The following SFTPD variants were observed in gnomAD, a reference collection of about 807,000 sequenced individuals.
The protein encoded by SFTPD is pulmonary surfactant-associated protein D.
Under a neutral mutation model 34.6 loss-of-function variants are expected in SFTPD, and 18 were observed. That is an observed-to-expected ratio of 0.52 (90% CI 0.36 to 0.77). The LOEUF is 0.77. SFTPD is among the 30% of genes least tolerant of loss of function. The pLI is 0.00. For synonymous variants in SFTPD, 155 were observed against 180.9 expected (o/e 0.86, Z 1.15); for missense variants, 433 against 468.9 (o/e 0.92, Z 0.71).
intron 1 of SFTPD, among the ~76,000 whole-genome samples, chr10:79,959,832 A>C (rs28781923): frequency 6.6e-6 from 1 of 151,488 alleles, no homozygotes; most frequent in African/African-American, 2.4e-5. Context: ...GCCTGGCAGA[A>C]ACACAACCAA....
chr10:79,952,033 A>G (rs1385205709), upstream of SFTPD, among the ~76,000 whole-genome samples: 1 of 152,192 alleles, frequency 6.6e-6, no homozygotes. Context: ...TGTGACCTTC[A>G]GTTCAGATAG....
At chr10:79,982,255 C>A (rs1435504697) in intron 1 of SFTPD, 3 of 921,840 alleles carry the variant, frequency 3.3e-6, no homozygotes, top group Non-Finnish European at 4.2e-6. Context: ...GGACCGCGGG[C>A]GGCGGCGGGG....
intron 1 of SFTPD, among the ~76,000 whole-genome samples, chr10:79,954,411 G>A (rs1298902817): frequency 2.0e-5 from 3 of 148,076 alleles, no homozygotes; most frequent in Non-Finnish European, 4.5e-5. Flanking sequence ...TGTGCTTGCT[G>A]CAGGTGTCCG....
intron 1 of SFTPD, chr10:79,969,963 C>T (rs1163433116): frequency 6.6e-6 from 1 of 152,202 alleles, no homozygotes; most frequent in Non-Finnish European, 1.5e-5. Context: ...TTGCCCAGAC[C>T]AATGTCATGG....
intron 1 of SFTPD, among the ~76,000 whole-genome samples, chr10:79,979,544 G>A (rs1842879944): frequency 6.6e-6 from 1 of 152,214 alleles, no homozygotes; most frequent in Non-Finnish European, 1.5e-5. Flanking sequence ...TTGGAATGCT[G>A]TCACAGCAGA....
chr10:79,980,990 G>A (rs1211123676), intron 1 of SFTPD, among the ~76,000 whole-genome samples: 3 of 152,282 alleles, frequency 2.0e-5, no homozygotes, highest in East Asian at 1.9e-4. Flanking sequence ...TAAGGCATCA[G>A]TGACCAACTC....
At position 79,937,777 on chromosome 10, in the gene SFTPD, G is replaced by C; in HGVS notation, c.*75C>G. 1 of 1,422,896 alleles carries C rather than the reference G, an allele frequency of 7.0e-7. No homozygotes were observed. The highest frequency in any genetic ancestry group is 9.4e-7 in the Non-Finnish European group (1 of 1,058,792). 88.1% of individuals were successfully genotyped at this position (1,422,896 alleles called of 1,614,324 possible). On this transcript the variant is annotated 3_prime_UTR_variant, in exon 8 of 8. Transcript: ENST00000372292. The stretch of plus-strand genomic sequence containing the variant: ...ATGGTCACCTTTTTATTAGGATATT[G>C]GCAGCATGAGGGTCTAAGCCTTGAC...
intron 1 of SFTPD, among the ~76,000 whole-genome samples, chr10:79,947,982 C>A (rs1842682957): frequency 6.6e-6 from 1 of 152,222 alleles, no homozygotes. Flanking sequence ...GGTCACCAGG[C>A]CAACTGGGGT....
chr10:79,982,340 G>T, intron 1 of SFTPD: 1 of 977,012 alleles, frequency 1.0e-6, no homozygotes, highest in Non-Finnish European at 1.3e-6. Flanking sequence ...GGGCGGCGCT[G>T]CTGCGAAGGC....
At chr10:79,964,264 T>A (rs1365986078) in intron 1 of SFTPD, among the ~76,000 whole-genome samples, 1 of 152,218 alleles carries the variant, frequency 6.6e-6, no homozygotes, top group African/African-American at 2.4e-5. Context: ...GGGTCCTCTA[T>A]CATTAATGCC....
In SFTPD at chr10:79,968,025, C is replaced by CA. The variant is rs1230184459; in HGVS notation, c.36+14549dup. Among the ~76,000 whole-genome samples the CA allele has an allele frequency of 1.4e-3, 191 of 138,608 alleles. 2 individuals carry two copies. Among genetic ancestry groups the CA allele is most frequent in the South Asian group, 0.011 (47 of 4,304 alleles). 90.9% of individuals were successfully genotyped at this position (138,608 alleles called of 152,430 possible). A position where few individuals can be genotyped will look rare whatever the true frequency, so the allele number is the denominator to read the frequency against. On this transcript the variant is annotated intron_variant, in intron 1 of 5. Transcript: ENST00000444384. Reference sequence around the variant, plus strand: ...AGGTGAAATAAACAGCCTTATTGCTCAGAAAAAAAAAAAAAAGTTATTGAT... The same window carrying CA: ...AGGTGAAATAAACAGCCTTATTGCTCAAGAAAAAAAAAAAAAAGTTATTGAT...
intron 1 of SFTPD, among the ~76,000 whole-genome samples, chr10:79,961,589 G>A (rs1457881222): frequency 6.6e-5 from 10 of 152,236 alleles, no homozygotes; most frequent in Middle Eastern, 3.4e-3. Flanking sequence ...CAAAACCACA[G>A]TGAGATACCA....
In SFTPD at chr10:79,964,924, A is replaced by T. The variant is rs182742091; in HGVS notation, c.36+17651T>A. Reference sequence around the variant, plus strand: ...ACAGTCATTTCTCCCCTTCTGTCAGACATAATTCCTTGGTTTGGCCTTCCC... The same window carrying T: ...ACAGTCATTTCTCCCCTTCTGTCAGTCATAATTCCTTGGTTTGGCCTTCCC... On this transcript the variant is annotated intron_variant, in intron 1 of 5. Transcript: ENST00000444384. Among the ~76,000 whole-genome samples, 172 of 152,272 alleles carry T rather than the reference A, an allele frequency of 1.1e-3. No homozygotes were observed. In the Middle Eastern group the frequency reaches 0.014, roughly 12 times the overall value.
chr10:79,973,986 C>T (rs4369337), intron 1 of SFTPD, among the ~76,000 whole-genome samples: 11,634 of 151,760 alleles, frequency 0.077, 916 homozygotes, highest in East Asian at 0.39. Flanking sequence ...ATGCTGATTA[C>T]GTTAACTGTG....
chr10:79,960,885 A>G (rs898396741), intron 1 of SFTPD, among the ~76,000 whole-genome samples: 54 of 152,252 alleles, frequency 3.5e-4, no homozygotes, highest in African/African-American at 1.2e-3. Context: ...ATGCTACCTG[A>G]CTTCAAACTA....
At chr10:79,956,412 G>A (rs1222173816) in intron 1 of SFTPD, among the ~76,000 whole-genome samples, 3 of 152,262 alleles carry the variant, frequency 2.0e-5, no homozygotes, top group African/African-American at 7.2e-5. Flanking sequence ...CAAAGAAAGG[G>A]GTGACAGATG....
At chr10:79,964,712 C>A (rs1379706208) in intron 1 of SFTPD, among the ~76,000 whole-genome samples, 5 of 152,164 alleles carry the variant, frequency 3.3e-5, no homozygotes, top group Admixed American at 1.3e-4. Flanking sequence ...TTCTACTACT[C>A]CTCAGGAACT....
chr10:79,957,504 C>T, intron 1 of SFTPD, among the ~76,000 whole-genome samples: 1 of 152,130 alleles, frequency 6.6e-6, no homozygotes, highest in East Asian at 1.9e-4. Flanking sequence ...GTGAAGAATG[C>T]AGAAGCCTCA....
intron 1 of SFTPD, among the ~76,000 whole-genome samples, chr10:79,948,253 G>A (rs868504442): frequency 1.3e-5 from 2 of 152,212 alleles, no homozygotes; most frequent in South Asian, 4.1e-4. Flanking sequence ...ATTGTTCTGT[G>A]CCCCGCAGCT....
Sources: allele counts gnomAD v4.1 joint callset (sites outside exome capture counted in the v4.1 genomes callset), GRCh38; gene constraint gnomAD v4.1.1; transcripts MANE v1.5; gene names NCBI Gene and HGNC (gene_info 2026-07-23, HGNC 2026-07-21).